The following ALPK2 variants were observed in gnomAD, a reference collection of about 807,000 sequenced individuals.
ALPK2 encodes alpha-protein kinase 2.
Under a neutral mutation model 163.1 loss-of-function variants are expected in ALPK2, and 127 were observed. The ratio of observed to expected loss-of-function variants is 0.78; its 90% CI spans 0.67 to 0.90. ALPK2 has a LOEUF of 0.90. Ranked by LOEUF, ALPK2 falls within the 40% of genes least tolerant of loss-of-function variation. ALPK2 has a pLI of 0.00. For missense variants in ALPK2, 2,360 were observed against 2,589.6 expected (o/e 0.91, Z 1.92); for synonymous variants, 953 against 959.1 (o/e 0.99, Z 0.12).
chr18:58,488,630 G>A (rs972423545), intron 12 of ALPK2, among the ~76,000 whole-genome samples: 1 of 151,656 alleles, frequency 6.6e-6, no homozygotes, highest in Admixed American at 6.6e-5. Context: ...CTGCACTTTG[G>A]TAACCCATTA....
intron 4 of ALPK2, among the ~76,000 whole-genome samples, chr18:58,574,847 A>T (rs953303658): frequency 2.0e-5 from 3 of 152,162 alleles, no homozygotes; most frequent in Non-Finnish European, 4.4e-5. Context: ...AGCATCTTTT[A>T]TGTGAAGGCA....
rs781781342 is a variant in ALPK2 at position 58,535,448 on chromosome 18, T to C, written c.4739A>G (p.Tyr1580Cys). 9.3e-6 allele frequency: 15 copies of C among 1,614,078 alleles called. No individual in the cohort carries two copies. The South Asian group carries it at 1.2e-4, about 13-fold the overall frequency. The change falls in exon 5 of 13, where the codon TAT (tyrosine) becomes TGT (cysteine). Residue 1580 changes from tyrosine (Y) to cysteine (C), a missense_variant. Transcript: ENST00000361673. ...NDIVEPRKRQYVFPVSQKRGT... is the reference protein window; with the variant it reads ...NDIVEPRKRQCVFPVSQKRGT... Reference sequence around the variant, plus strand: ...CCTTTTCTGTGAAACAGGAAACACATACTGACGCTTTCTGGGCTCAACTAT... The same window carrying C: ...CCTTTTCTGTGAAACAGGAAACACACACTGACGCTTTCTGGGCTCAACTAT...
At chr18:58,594,026 G>A (rs2052029340) in intron 3 of ALPK2, among the ~76,000 whole-genome samples, 1 of 149,900 alleles carries the variant, frequency 6.7e-6, no homozygotes, top group Non-Finnish European at 1.5e-5. Flanking sequence ...AAGGTTTCTA[G>A]GCTATTCCTT....
Position 58,535,696 on chromosome 18 carries a change from G to C in ALPK2, c.4491C>G (p.Pro1497=). Reference sequence around the variant, plus strand: ...TTGGAATTCTTTCACCGCCTTCGCTGGGTTGCAGGACTTGCCAAATGGCAG... The same window carrying C: ...TTGGAATTCTTTCACCGCCTTCGCTCGGTTGCAGGACTTGCCAAATGGCAG... ...AKTAIWQVLQ[P]SEGGERIPSG... Residue 1497 remains proline, a synonymous_variant, in exon 5 of 13, where the codon CCC becomes CCG. Transcript: ENST00000361673. 6.2e-7 allele frequency: 1 copy of C among 1,614,222 alleles called. No homozygotes were observed. Among genetic ancestry groups the C allele is most frequent in the South Asian group, 1.1e-5 (1 of 91,084 alleles).
chr18:58,511,258 C>T (rs956603766), intron 10 of ALPK2, among the ~76,000 whole-genome samples: 1 of 152,152 alleles, frequency 6.6e-6, no homozygotes, highest in Non-Finnish European at 1.5e-5. Flanking sequence ...GGTGGATAAG[C>T]TTTTTGATGT....
At chr18:58,613,326 C>A (rs1471115158) in intron 1 of ALPK2, among the ~76,000 whole-genome samples, 1 of 152,072 alleles carries the variant, frequency 6.6e-6, no homozygotes, top group African/African-American at 2.4e-5. Flanking sequence ...GGGCCCGGTT[C>A]AAGATGAAAA....
At chr18:58,539,096 C>T (rs1054227107) in intron 4 of ALPK2, among the ~76,000 whole-genome samples, 5 of 152,172 alleles carry the variant, frequency 3.3e-5, no homozygotes, top group African/African-American at 1.2e-4. Flanking sequence ...GTTATAGCAA[C>T]ATGAAGTGCA....
chr18:58,616,502 A>G (rs866594250), intron 1 of ALPK2, among the ~76,000 whole-genome samples: 4 of 152,192 alleles, frequency 2.6e-5, no homozygotes, highest in East Asian at 1.9e-4. Context: ...TTTTTGTCCA[A>G]TCACATTTCT....
At chr18:58,583,520 A>G (rs2051970202) in intron 3 of ALPK2, among the ~76,000 whole-genome samples, 1 of 152,096 alleles carries the variant, frequency 6.6e-6, no homozygotes, top group Admixed American at 6.6e-5. Flanking sequence ...GACAGCATAA[A>G]AAAGCACTAC....
intron 3 of ALPK2, among the ~76,000 whole-genome samples, chr18:58,595,636 G>C (rs893851255): frequency 1.3e-5 from 2 of 152,138 alleles, no homozygotes; most frequent in African/African-American, 4.8e-5. Context: ...GTAGGCAGTG[G>C]ACTAGACCAG....
Position 58,581,293 on chromosome 18 carries a change from T to C in ALPK2, c.228-745A>G, listed in dbSNP as rs551823979. On this transcript the variant is annotated intron_variant, in intron 3 of 12. Transcript: ENST00000361673. ...TGAAGACCTTGCTAAGAGGGTGTCA[T>C]TCTTGCTAGAGGCCGTAAAGATAAT... 2.0e-4 allele frequency among the ~76,000 whole-genome samples: 31 copies of C among 152,338 alleles called. 1 individual carries two copies. In the Middle Eastern group the frequency reaches 0.02, roughly 100 times the overall value.
intron 3 of ALPK2, among the ~76,000 whole-genome samples, chr18:58,592,319 T>C (rs1034575954): frequency 6.6e-6 from 1 of 152,210 alleles, no homozygotes; most frequent in African/African-American, 2.4e-5. Flanking sequence ...TCCAGTGTCA[T>C]TGAATTCCAA....
chr18:58,481,872 A>C lies in ALPK2; in HGVS notation c.6464T>G (p.Met2155Arg). ...CTCAGGCCCTGCCTTCTTTATTGTC[A>C]TAGAGTTTGTTTGAACTTTGCTTTT... ...IGKSKVQTNS[M>R]TIKKAGPETP... The change falls in exon 13 of 13, where the codon ATG becomes AGG. Residue 2155 changes from methionine to arginine, a missense_variant. By Grantham distance (91) the Met-to-Arg change is moderately conservative. Transcript: ENST00000361673. 1 of 1,613,992 alleles carries C rather than the reference A, an allele frequency of 6.2e-7. No individual in the cohort carries two copies. The highest frequency in any genetic ancestry group is 8.5e-7 in the Non-Finnish European group (1 of 1,179,890).
chr18:58,528,730 C>A, intron 6 of ALPK2: 1 of 231,594 alleles, frequency 4.3e-6, no homozygotes, highest in Non-Finnish European at 8.6e-6. Flanking sequence ...AGAAAACACA[C>A]CCAAGTTAAA....
At position 58,503,970 on chromosome 18, in the gene ALPK2, G is replaced by A. The variant is rs2051446961; in HGVS notation, c.6208C>T (p.Gln2070Ter). 1.9e-6 allele frequency: 3 copies of A among 1,614,028 alleles called. No individual in the cohort carries two copies. In the African/African-American group the frequency reaches 4.0e-5, roughly 22 times the overall value. ...KCCTFQHWVY[Q>*]KTSGCLLVTD... ...ACCAGGAGGCAGCCACTTGTTTTCT[G>A]GTACACCCAGTGCTGGAAGGTGCAA... Residue 2070 changes from glutamine to a stop codon, truncating the protein, a stop_gained, in exon 11 of 13, where the codon CAG becomes TAG. Coordinates refer to ENST00000361673, the MANE Select transcript of ALPK2 (RefSeq NM_052947.4). LOFTEE classifies it high-confidence loss of function.
At chr18:58,570,053 C>T (rs181051238) in intron 4 of ALPK2, among the ~76,000 whole-genome samples, 374 of 151,930 alleles carry the variant, frequency 2.5e-3, no homozygotes, top group African/African-American at 8.1e-3. Context: ...TTGCTTGAAC[C>T]CAGGAGGCGG....
intron 6 of ALPK2, among the ~76,000 whole-genome samples, chr18:58,525,651 G>A (rs767173644): frequency 9.9e-5 from 15 of 152,146 alleles, no homozygotes; most frequent in Non-Finnish European, 1.6e-4. Context: ...CCCTGAGGCC[G>A]ACCTCAGGTG....
intron 12 of ALPK2, among the ~76,000 whole-genome samples, chr18:58,491,654 C>A (rs944017209): frequency 6.6e-6 from 1 of 152,194 alleles, no homozygotes; most frequent in Non-Finnish European, 1.5e-5. Context: ...GACCCCCAAT[C>A]CCCAAATTTT....
chr18:58,511,748 T>A (rs1343470128), intron 10 of ALPK2: 3 of 152,288 alleles, frequency 2.0e-5, no homozygotes, highest in Admixed American at 2.0e-4. Flanking sequence ...CCCCAGACCC[T>A]TTGACGGGCA....
Sources: allele counts gnomAD v4.1 joint callset (sites outside exome capture counted in the v4.1 genomes callset), GRCh38; gene constraint gnomAD v4.1.1; transcripts MANE v1.5; gene names NCBI Gene and HGNC (gene_info 2026-07-23, HGNC 2026-07-21).